GABRG3: variants seen among roughly 807,000 people sequenced by gnomAD.
GABRG3 encodes gamma-aminobutyric acid type A receptor subunit gamma3, also known as gamma-aminobutyric acid receptor subunit gamma-3.
A neutral mutation model predicts 48.8 loss-of-function variants in GABRG3; 25 were observed. The observed-to-expected ratio is 0.51, with a 90% CI of 0.37 to 0.72. GABRG3 has a LOEUF of 0.72. Ranked by LOEUF, GABRG3 falls within the 30% of genes least tolerant of loss-of-function variation. The probability of loss-of-function intolerance (pLI) is 0.00; values close to 1 mark genes in which losing one functional copy is unlikely to be tolerated. For synonymous variants in GABRG3, 227 were observed against 217.6 expected (o/e 1.04, Z -0.38); for missense variants, 394 against 577.9 (o/e 0.68, Z 3.26).
intron 3 of GABRG3, among the ~76,000 whole-genome samples, chr15:27,125,402 G>T (rs564194862): frequency 6.6e-6 from 1 of 152,126 alleles, no homozygotes; most frequent in Non-Finnish European, 1.5e-5. Context: ...CAAAGTTATA[G>T]CCAAATAGGA....
intron 3 of GABRG3, among the ~76,000 whole-genome samples, chr15:27,029,569 T>C (rs1896046444): frequency 6.6e-6 from 1 of 152,146 alleles, no homozygotes; most frequent in South Asian, 2.1e-4. Flanking sequence ...CGCACATTTA[T>C]ATGTTTAATT....
chr15:27,298,663 A>AT lies in GABRG3; in HGVS notation c.271-28136dup, dbSNP rs60147984. 1.0e-3 allele frequency among the ~76,000 whole-genome samples: 152 copies of AT among 150,148 alleles called. 1 individual carries two copies. Among genetic ancestry groups the AT allele is most frequent in the African/African-American group, 3.6e-3 (146 of 41,052 alleles). On this transcript the variant is annotated intron_variant, in intron 3 of 9. Coordinates refer to ENST00000615808, the MANE Select transcript of GABRG3 (RefSeq NM_033223.5). ...ATTTTAAGCTTAATTTTTAAGTTTA[A>AT]TTTTTTTTTTATATTTCCAATCCTT...
intron 3 of GABRG3, among the ~76,000 whole-genome samples, chr15:27,164,488 A>C (rs1161006014): frequency 1.3e-5 from 2 of 152,228 alleles, no homozygotes; most frequent in African/African-American, 4.8e-5. Context: ...TCTCAGTTGC[A>C]GCTGAAAGAT....
chr15:27,030,437 C>T lies in GABRG3; in HGVS notation c.270+3616C>T, dbSNP rs143008400. On this transcript the variant is annotated intron_variant, in intron 3 of 9. Coordinates refer to ENST00000615808, the MANE Select transcript of GABRG3 (RefSeq NM_033223.5). ...AATAGATTATCTTTGTCTTGTTTAT[C>T]CTGGAGCTGTTTATGCTTTTTCTAG... is the stretch of plus-strand genomic sequence containing the variant. Among the ~76,000 whole-genome samples, 862 of 152,236 alleles carry T rather than the reference C, an allele frequency of 5.7e-3. 6 individuals are homozygous for T. Among genetic ancestry groups the T allele is most frequent in the African/African-American group, 0.02 (826 of 41,524 alleles).
At chr15:27,504,325 T>C (rs1052824223) in intron 6 of GABRG3, among the ~76,000 whole-genome samples, 2 of 152,142 alleles carry the variant, frequency 1.3e-5, no homozygotes, top group African/African-American at 4.8e-5. Context: ...TGATTGAACA[T>C]ATTTTATGAT....
intron 4 of GABRG3, 99 bp from the exon 5 acceptor site, chr15:27,328,707 C>G (rs111611052): frequency 2.2e-6 from 2 of 890,752 alleles, no homozygotes; most frequent in East Asian, 5.2e-5. Flanking sequence ...CCCTGGGTGA[C>G]GGAACGGCCC....
At chr15:27,168,450 G>A (rs1887454543) in intron 3 of GABRG3, among the ~76,000 whole-genome samples, 1 of 152,112 alleles carries the variant, frequency 6.6e-6, no homozygotes. Flanking sequence ...TTCTCCTTCT[G>A]TTTTTTCTTA....
chr15:27,466,596 C>A (rs1228343144), intron 5 of GABRG3, among the ~76,000 whole-genome samples: 1 of 152,228 alleles, frequency 6.6e-6, no homozygotes, highest in Non-Finnish European at 1.5e-5. Context: ...GACCGGGAAG[C>A]TACCACTTAA....
chr15:27,303,958 G>A (rs1255857756), intron 3 of GABRG3, among the ~76,000 whole-genome samples: 2 of 151,756 alleles, frequency 1.3e-5, no homozygotes, highest in Non-Finnish European at 2.9e-5. Context: ...TAATGTAATT[G>A]ACCATATTAA....
At position 27,353,426 on chromosome 15, in the gene GABRG3, C is replaced by CTTTTTATTTATTTATT. The variant is rs367835979; in HGVS notation, c.574+24539_574+24540insTTTTATTTATTTATTT. On this transcript the variant is annotated intron_variant, in intron 5 of 9. Coordinates refer to ENST00000615808, the MANE Select transcript of GABRG3 (RefSeq NM_033223.5). ...GATGTGTGCATAGTTTTCTTTCTTT[C>CTTTTTATTTATTTATT]TATTTATTTATTTATTTATTTATTT... Among the ~76,000 whole-genome samples the CTTTTTATTTATTTATT allele has an allele frequency of 3.2e-3, 464 of 146,106 alleles. 2 individuals are homozygous for CTTTTTATTTATTTATT. The highest frequency in any genetic ancestry group is 0.011 in the African/African-American group (434 of 38,850).
rs550244916 is a variant in GABRG3 at position 27,431,041 on chromosome 15, C to A, written c.575-49609C>A. ...TAAATAAATAAATAAATAAATAAAT[C>A]AGTAGTATAAGGGTTTATTTCTAGA... On this transcript the variant is annotated intron_variant, in intron 5 of 9. Transcript: ENST00000615808. Among the ~76,000 whole-genome samples, 200 of 142,922 alleles carry A rather than the reference C, an allele frequency of 1.4e-3. 2 individuals carry two copies. The East Asian group carries it at 0.022, about 16-fold the overall frequency. 93.8% of individuals were successfully genotyped at this position (142,922 alleles called of 152,430 possible). A position where few individuals can be genotyped will look rare whatever the true frequency, so the allele number is the denominator to read the frequency against.
chr15:27,110,031 T>C (rs1897518349), intron 3 of GABRG3, among the ~76,000 whole-genome samples: 1 of 152,256 alleles, frequency 6.6e-6, no homozygotes, highest in South Asian at 2.1e-4. Context: ...TTAAAATGAT[T>C]ATTGATATAT....
At chr15:27,323,060 A>T (rs1893486345) in intron 3 of GABRG3, among the ~76,000 whole-genome samples, 1 of 152,150 alleles carries the variant, frequency 6.6e-6, no homozygotes, top group Non-Finnish European at 1.5e-5. Context: ...AAGGGGCACA[A>T]ACTGCTCCTA....
At chr15:27,204,859 GA>G (rs1281039923) in intron 3 of GABRG3, among the ~76,000 whole-genome samples, 8 of 152,074 alleles carry the variant, frequency 5.3e-5, no homozygotes, top group Non-Finnish European at 2.9e-5. Flanking sequence ...TTGGTGTGTA[GA>G]AATGCTACTG....
chr15:27,458,402 A>G (rs565389965), intron 5 of GABRG3, among the ~76,000 whole-genome samples: 22 of 152,084 alleles, frequency 1.4e-4, no homozygotes, highest in Non-Finnish European at 2.6e-4. Flanking sequence ...GCCAATTCTC[A>G]CCCTGATTGA....
At chr15:27,523,965 A>T (rs963406793) in intron 7 of GABRG3, among the ~76,000 whole-genome samples, 16 of 152,078 alleles carry the variant, frequency 1.1e-4, no homozygotes, top group Non-Finnish European at 2.4e-4. Context: ...GGCTAAAAAA[A>T]ATATTCAAAG....
intron 6 of GABRG3, among the ~76,000 whole-genome samples, chr15:27,492,606 A>C: frequency 6.6e-6 from 1 of 152,358 alleles, no homozygotes; most frequent in South Asian, 2.1e-4. Flanking sequence ...CAGGGAATCA[A>C]TCTTCAAAAT....
At chr15:27,528,681 C>T (rs1277619210) in intron 9 of GABRG3, among the ~76,000 whole-genome samples, 1 of 145,898 alleles carries the variant, frequency 6.9e-6, no homozygotes, top group East Asian at 2.1e-4. Flanking sequence ...CAAACTTTTC[C>T]CATTGGCATT....
At chr15:27,042,083 C>T (rs905195011) in intron 3 of GABRG3, among the ~76,000 whole-genome samples, 8 of 152,150 alleles carry the variant, frequency 5.3e-5, no homozygotes, top group Non-Finnish European at 1.0e-4. Context: ...CCTCAGTGAA[C>T]GAGGTTCTCC....
Sources: allele counts gnomAD v4.1 joint callset (sites outside exome capture counted in the v4.1 genomes callset), GRCh38; gene constraint gnomAD v4.1.1; transcripts MANE v1.5; gene names NCBI Gene and HGNC (gene_info 2026-07-23, HGNC 2026-07-21).